The following SBNO2 variants were observed in gnomAD, a reference collection of about 807,000 sequenced individuals.
SBNO2 encodes strawberry notch homolog 2, also known as protein strawberry notch homolog 2.
Under a neutral mutation model 146.3 loss-of-function variants are expected in SBNO2, and 89 were observed. The observed-to-expected ratio is 0.61, with a 90% CI of 0.51 to 0.73. The LOEUF (loss-of-function observed/expected upper bound fraction) is 0.73. Among genes scored for constraint, SBNO2 ranks in the 30% least tolerant of loss-of-function variants. The probability of loss-of-function intolerance (pLI) is 0.00; values close to 1 mark genes in which losing one functional copy is unlikely to be tolerated. For missense variants in SBNO2, 2,092 were observed against 2,003.7 expected, an observed-to-expected ratio of 1.04 and a Z score of -0.84; for synonymous variants, 1,147 against 892.6, an observed-to-expected ratio of 1.29 and a Z score of -5.08.
rs973429843 is a variant in SBNO2, at chr19:1,109,286, G to T, written c.3348+6C>A. On this transcript the variant is annotated splice_donor_region_variant and intron_variant, in intron 29 of 31. Transcript: ENST00000361757. This position sits in a 1 kb window ranked among gnomAD's most constrained non-coding sequence, Gnocchi z 4.2. The stretch of plus-strand genomic sequence containing the variant: ...CGAGCGAAAGCTGCGCCCGGCGGCC[G>T]CCTACCCGGTGGAACTTGCGGCGGA... 5 of 1,589,196 alleles carry T rather than the reference G, an allele frequency of 3.1e-6. No individual in the cohort carries two copies. Among genetic ancestry groups the T allele is most frequent in the Non-Finnish European group, 4.3e-6 (5 of 1,168,992 alleles).
intron 4 of SBNO2, among the ~76,000 whole-genome samples, chr19:1,146,428 C>G (rs1242511961): frequency 6.6e-6 from 1 of 152,180 alleles, no homozygotes; most frequent in East Asian, 1.9e-4. Context: ...CCGCTTCTCT[C>G]TGGATCTGGC....
intron 1 of SBNO2, among the ~76,000 whole-genome samples, chr19:1,163,224 C>T (rs1283300447): frequency 1.3e-5 from 2 of 152,184 alleles, no homozygotes; most frequent in African/African-American, 4.8e-5. Flanking sequence ...TGGTCTGTGT[C>T]CCTGTTAACA....
At position 1,119,507 on chromosome 19, in the gene SBNO2, G is replaced by A. The variant is rs1162170239; in HGVS notation, c.1373+9C>T. ...GCCGCCCCTCCACGTGGGTGAGAAG[G>A]GCACTCACCTCTTCTCGATGGCGTG... On this transcript the variant is annotated intron_variant, in intron 13 of 31. Transcript: ENST00000361757. 4 of 1,584,258 alleles carry A rather than the reference G, an allele frequency of 2.5e-6. No homozygotes were observed. Among genetic ancestry groups the A allele is most frequent in the Non-Finnish European group, 3.4e-6 (4 of 1,160,992 alleles).
At chr19:1,121,184 C>T (rs1054770872) in intron 11 of SBNO2, among the ~76,000 whole-genome samples, 8 of 152,176 alleles carry the variant, frequency 5.3e-5, no homozygotes, top group Admixed American at 2.6e-4. Flanking sequence ...CCACTGCACC[C>T]GGCCAGGTTC....
At position 1,144,032 on chromosome 19, in the gene SBNO2, G is replaced by C. The variant is rs1350543095; in HGVS notation, c.279+3277C>G. ...TTCCGTGGCTGGCTGGGCTGCGCTG[G>C]GGGGCACGGCGCAAAGGGCCTCGAA... On this transcript the variant is annotated intron_variant, in intron 4 of 31. Transcript: ENST00000361757. The surrounding 1 kb of genome is among the most constrained non-coding windows in gnomAD (Gnocchi z 4.1). 6.6e-6 allele frequency among the ~76,000 whole-genome samples: 1 copy of C among 152,226 alleles called. No individual in the cohort carries two copies. The highest frequency in any genetic ancestry group is 1.9e-4 in the East Asian group (1 of 5,196).
At chr19:1,118,951 G>C (rs1007709032) in intron 14 of SBNO2, 60 bp downstream of exon 14, 2 of 1,520,196 alleles carry the variant, frequency 1.3e-6, no homozygotes, top group African/African-American at 2.7e-5. Context: ...GCAAGGCCAC[G>C]GGGGAGCAAT....
At chr19:1,128,186 A>T in intron 4 of SBNO2, 1 of 489,908 alleles carries the variant, frequency 2.0e-6, no homozygotes, top group Non-Finnish European at 4.1e-6. Flanking sequence ...ACCAACCCTC[A>T]GGGCCACGCA....
Position 1,109,479 on chromosome 19 carries a change from T to G in SBNO2, c.3216+27A>C, listed in dbSNP as rs765986038. 7.6e-6 allele frequency: 12 copies of G among 1,577,808 alleles called. No individual in the cohort carries two copies. Among genetic ancestry groups the G allele is most frequent in the Middle Eastern group, 1.7e-4 (1 of 6,046 alleles). On this transcript the variant is annotated intron_variant, in intron 28 of 31. Transcript: ENST00000361757. The surrounding 1 kb of genome is among the most constrained non-coding windows in gnomAD (Gnocchi z 4.2). ...GGTCCGCCCCCCGCGGGCCCTCCTC[T>G]GGGGGGGTAACCCCGCCCGACCCCA...
chr19:1,142,368 C>A (rs928539134), intron 4 of SBNO2, among the ~76,000 whole-genome samples: 25 of 152,088 alleles, frequency 1.6e-4, no homozygotes, highest in Non-Finnish European at 3.2e-4. Context: ...GCCCCAGGCA[C>A]TGCCCGGGTC....
chr19:1,128,726 T>C (rs1027392158), intron 4 of SBNO2, among the ~76,000 whole-genome samples: 2 of 150,780 alleles, frequency 1.3e-5, no homozygotes, highest in African/African-American at 4.9e-5. Context: ...ATCCCAGCAC[T>C]TGGAGGCCAA....
In SBNO2 at chr19:1,144,345, TGGGTCCAA is replaced by T. The variant is rs1335242457; in HGVS notation, c.279+2956_279+2963del. 3.3e-5 allele frequency among the ~76,000 whole-genome samples: 5 copies of T among 152,254 alleles called. No homozygotes were observed. The East Asian group carries it at 9.6e-4, about 29-fold the overall frequency. ...GTTCTGCTGCTTTAACAGGGAGATT[TGGGTCCAA>T]GCTGCCCCACATACGGACGCTGGAG... On this transcript the variant is annotated intron_variant, in intron 4 of 31. Coordinates refer to ENST00000361757, the MANE Select transcript of SBNO2 (RefSeq NM_014963.3). This position sits in a 1 kb window ranked among gnomAD's most constrained non-coding sequence, Gnocchi z 4.1.
intron 4 of SBNO2, among the ~76,000 whole-genome samples, chr19:1,129,686 C>T (rs1432535173): frequency 7.2e-5 from 11 of 152,222 alleles, no homozygotes; most frequent in African/African-American, 1.4e-4. Flanking sequence ...AAGCATTTCC[C>T]GGGCAAGGTC....
rs1219586455 is a variant in SBNO2, at chr19:1,144,272, G to GCGGCC, written c.279+3032_279+3036dup. Among the ~76,000 whole-genome samples the GCGGCC allele has an allele frequency of 2.6e-5, 4 of 152,104 alleles. No individual in the cohort carries two copies. Among genetic ancestry groups the GCGGCC allele is most frequent in the Non-Finnish European group, 5.9e-5 (4 of 68,016 alleles). ...CCCACACTCAGCACTGGGGGACCAC[G>GCGGCC]CGGCCCGGCCCACACTTGGCACCGG... On this transcript the variant is annotated intron_variant, in intron 4 of 31. Transcript: ENST00000361757. The surrounding 1 kb of genome is among the most constrained non-coding windows in gnomAD (Gnocchi z 4.1).
At chr19:1,111,398 T>A in intron 24 of SBNO2, 108 bp downstream of exon 24, 1 of 794,746 alleles carries the variant, frequency 1.3e-6, no homozygotes, top group Non-Finnish European at 2.1e-6. Flanking sequence ...TGGGGAGGGG[T>A]CACTCAACAC....
In SBNO2 at chr19:1,112,890, C is replaced by T. The variant is rs1485052780; in HGVS notation, c.2307G>A (p.Ser769=). 21 of 1,572,128 alleles carry T rather than the reference C, an allele frequency of 1.3e-5. No homozygotes were observed. The highest frequency in any genetic ancestry group is 7.1e-5 in the East Asian group (3 of 42,216). The change falls in exon 20 of 32, where the codon TCG becomes TCA. Residue 769 remains serine (S), a synonymous_variant. Transcript: ENST00000361757. This position sits in a 1 kb window ranked among gnomAD's most constrained non-coding sequence, Gnocchi z 5.9. ...SRPDGTVAFE[S]RAEQGLSIDH... is the part of the protein sequence containing the mutation. ...CGATGGACAGACCCTGCTCTGCCCG[C>T]GACTCGAAGGCCACCGTCCCGTCGG...
In SBNO2 at chr19:1,122,285, G is replaced by A; in HGVS notation, c.1006-3C>T. The A allele has an allele frequency of 1.3e-6, 2 of 1,557,314 alleles. No homozygotes were observed. The highest frequency in any genetic ancestry group is 2.7e-5 in the African/African-American group (2 of 73,718). On this transcript the variant is annotated splice_region_variant and splice_polypyrimidine_tract_variant and intron_variant, in intron 10 of 31. Transcript: ENST00000361757. The stretch of plus-strand genomic sequence containing the variant: ...GTAGTGGTGTCACCGTACTTGATCT[G>A]GGGATGCACAGAACAGGTGTGGAAT...
chr19:1,122,747 G>C lies in SBNO2; in HGVS notation c.825C>G (p.Leu275=), dbSNP rs1364352584. The change falls in exon 9 of 32, where the codon CTC becomes CTG. Residue 275 remains leucine (L), a synonymous_variant. Coordinates refer to ENST00000361757, the MANE Select transcript of SBNO2 (RefSeq NM_014963.3). ...LLPSGQRAGF[L]IGDGAGVGKG... ...TGCCCACGCCGGCCCCATCGCCGATGAGAAAGCCCGCGCGCTGCCCGCTGG... is the reference window on the plus strand; with the variant it reads ...TGCCCACGCCGGCCCCATCGCCGATCAGAAAGCCCGCGCGCTGCCCGCTGG... The C allele has an allele frequency of 3.3e-6, 5 of 1,537,504 alleles. 1 individual carries two copies. The highest frequency in any genetic ancestry group is 1.7e-4 in the Middle Eastern group (1 of 5,988).
chr19:1,127,831 A>T lies in SBNO2; in HGVS notation c.280-66T>A, dbSNP rs978383379. 7 of 1,503,468 alleles carry T rather than the reference A, an allele frequency of 4.7e-6. No homozygotes were observed. The Admixed American group carries it at 6.9e-5, about 15-fold the overall frequency. The allele number at this position is 1,503,468 out of a possible 1,614,324, so 93.1% of individuals were successfully genotyped here. On this transcript the variant is annotated intron_variant, in intron 4 of 31. Transcript: ENST00000361757. ...ACACCAAGGCCCCTCCACGCACTGG[A>T]GCACGTGGGGATGGGAGACACCACG...
chr19:1,132,200 C>T, intron 4 of SBNO2: 1 of 1,363,926 alleles, frequency 7.3e-7, no homozygotes, highest in Non-Finnish European at 9.5e-7. Flanking sequence ...TCCCTCATGA[C>T]CGCGGCAGCA....
Sources: allele counts gnomAD v4.1 joint callset (sites outside exome capture counted in the v4.1 genomes callset), GRCh38; gene constraint gnomAD v4.1.1; non-coding constraint Gnocchi (gnomAD v3.1); transcripts MANE v1.5; gene names NCBI Gene and HGNC (gene_info 2026-07-23, HGNC 2026-07-21).